The following PDE3A variants were observed in gnomAD, a reference collection of about 807,000 sequenced individuals.
PDE3A encodes the protein phosphodiesterase 3A.
Under a neutral mutation model 98.3 loss-of-function variants are expected in PDE3A, and 43 were observed. The ratio of observed to expected loss-of-function variants is 0.44; its 90% CI spans 0.34 to 0.56. The LOEUF (loss-of-function observed/expected upper bound fraction) is 0.56. Among genes scored for constraint, PDE3A ranks in the 20% least tolerant of loss-of-function variants. The probability of loss-of-function intolerance (pLI) is 0.01; values close to 1 mark genes in which losing one functional copy is unlikely to be tolerated. For synonymous variants in PDE3A, 663 were observed against 567.9 expected, an observed-to-expected ratio of 1.17 and a Z score of -2.38; for missense variants, 1,427 against 1,440.7, an observed-to-expected ratio of 0.99 and a Z score of 0.15.
At chr12:20,662,942 G>C (rs1396316051) in intron 15 of PDE3A, among the ~76,000 whole-genome samples, 1 of 152,164 alleles carries the variant, frequency 6.6e-6, no homozygotes, top group Non-Finnish European at 1.5e-5. Context: ...CATAGACCCA[G>C]AGGCCTAGGC....
intron 15 of PDE3A, among the ~76,000 whole-genome samples, chr12:20,669,513 C>G (rs1273663552): frequency 6.6e-6 from 1 of 151,922 alleles, no homozygotes; most frequent in African/African-American, 2.4e-5. Flanking sequence ...GGCAGAAACC[C>G]TACAAGCCAG....
intron 10 of PDE3A, 44 bp downstream of exon 10, chr12:20,640,001 G>T: frequency 1.1e-6 from 1 of 918,364 alleles, no homozygotes; most frequent in South Asian, 1.3e-5. Context: ...AAAATATGTC[G>T]AATTTGCTGT....
chr12:20,627,018 A>G (rs1220271447), intron 5 of PDE3A, among the ~76,000 whole-genome samples: 2 of 152,142 alleles, frequency 1.3e-5, no homozygotes, highest in Non-Finnish European at 2.9e-5. Flanking sequence ...TATCTGAAGC[A>G]ATCAGCTGGC....
At chr12:20,632,374 T>C (rs1944401098) in intron 6 of PDE3A, among the ~76,000 whole-genome samples, 1 of 152,240 alleles carries the variant, frequency 6.6e-6, no homozygotes, top group African/African-American at 2.4e-5. Context: ...TGATGAGTTA[T>C]TTAAGATATT....
At chr12:20,669,865 T>G (rs1318649908) in intron 15 of PDE3A, among the ~76,000 whole-genome samples, 4 of 151,668 alleles carry the variant, frequency 2.6e-5, no homozygotes, top group Non-Finnish European at 4.4e-5. Flanking sequence ...ACTTTAAATG[T>G]AAATGGACTA....
At chr12:20,666,203 G>T (rs1400846217) in intron 15 of PDE3A, among the ~76,000 whole-genome samples, 2 of 151,860 alleles carry the variant, frequency 1.3e-5, no homozygotes, top group Non-Finnish European at 2.9e-5. Flanking sequence ...GACCTCAAGT[G>T]GTCCATCCGC....
In PDE3A at chr12:20,685,942, T is replaced by C. The variant is rs566637357; in HGVS notation, c.*5671T>C. On this transcript the variant is annotated 3_prime_UTR_variant, in exon 16 of 16. Coordinates refer to ENST00000359062, the MANE Select transcript of PDE3A (RefSeq NM_000921.5). ...TATTCTCAAGAATGTTTAAATTTGGTTTATTTTCTTGAAGCAAAGTTATTT... is the reference window on the plus strand; with the variant it reads ...TATTCTCAAGAATGTTTAAATTTGGCTTATTTTCTTGAAGCAAAGTTATTT... Among the ~76,000 whole-genome samples the C allele has an allele frequency of 4.6e-5, 7 of 152,252 alleles. 1 individual carries two copies. In the South Asian group the frequency reaches 8.3e-4, roughly 18 times the overall value.
chr12:20,487,019 T>C (rs570692620), intron 1 of PDE3A, among the ~76,000 whole-genome samples: 6 of 152,332 alleles, frequency 3.9e-5, no homozygotes, highest in African/African-American at 1.2e-4. Context: ...ATTTTTTTCA[T>C]AGTTTTTTAA....
At chr12:20,573,304 G>C (rs140639884) in intron 2 of PDE3A, among the ~76,000 whole-genome samples, 2 of 151,986 alleles carry the variant, frequency 1.3e-5, no homozygotes, top group African/African-American at 4.8e-5. Flanking sequence ...TATTTACTCA[G>C]TTAAGGTTTT....
At chr12:20,656,350 C>A (rs542372063) in intron 15 of PDE3A, among the ~76,000 whole-genome samples, 2 of 152,240 alleles carry the variant, frequency 1.3e-5, no homozygotes, top group East Asian at 3.9e-4. Context: ...CACACATAAG[C>A]AAACATAAAG....
At chr12:20,417,048 A>G (rs945628572) in intron 1 of PDE3A, among the ~76,000 whole-genome samples, 2 of 152,170 alleles carry the variant, frequency 1.3e-5, no homozygotes, top group Admixed American at 6.5e-5. Flanking sequence ...CAAAATGTAC[A>G]TAATGTGCAT....
At chr12:20,662,541 CA>C (rs1945199617) in intron 15 of PDE3A, among the ~76,000 whole-genome samples, 1 of 152,154 alleles carries the variant, frequency 6.6e-6, no homozygotes. Flanking sequence ...TTTGTTTCAG[CA>C]AGGAAACTGG....
chr12:20,535,289 C>G (rs941228573), intron 1 of PDE3A, among the ~76,000 whole-genome samples: 2 of 152,156 alleles, frequency 1.3e-5, no homozygotes, highest in African/African-American at 4.8e-5. Flanking sequence ...TACATGCTTT[C>G]TTTAGCTCAG....
Position 20,370,019 on chromosome 12 carries a change from C to T in PDE3A, c.735C>T (p.Gly245=), listed in dbSNP as rs767260676. Residue 245 remains glycine, a synonymous_variant, in exon 1 of 16, where the codon GGC becomes GGT. Coordinates refer to ENST00000359062, the MANE Select transcript of PDE3A (RefSeq NM_000921.5). The stretch of plus-strand genomic sequence containing the variant: ...GACCTTACCTGGCGTACCTGGCCGG[C>T]GTGCTGGGGATCCTCTTGGCCAGGT... The part of the protein sequence containing the change: ...AWRPYLAYLA[G]VLGILLARYV... The T allele has an allele frequency of 3.8e-5, 62 of 1,612,774 alleles. No individual in the cohort carries two copies. The highest frequency in any genetic ancestry group is 5.3e-5 in the Non-Finnish European group (62 of 1,179,902).
chr12:20,490,328 T>C (rs1945806778), intron 1 of PDE3A, among the ~76,000 whole-genome samples: 1 of 152,222 alleles, frequency 6.6e-6, no homozygotes, highest in African/African-American at 2.4e-5. Context: ...ACAGTGATCC[T>C]TGAATATTTG....
intron 2 of PDE3A, among the ~76,000 whole-genome samples, chr12:20,575,907 A>C (rs1446772360): frequency 6.6e-6 from 1 of 151,916 alleles, no homozygotes; most frequent in East Asian, 1.9e-4. Context: ...CCAATGCAAA[A>C]CAACTAAGAA....
At chr12:20,376,871 C>G (rs1943581389) in intron 1 of PDE3A, among the ~76,000 whole-genome samples, 1 of 151,806 alleles carries the variant, frequency 6.6e-6, no homozygotes. Context: ...AGAGAAGTCA[C>G]AAACTAAGCA....
chr12:20,441,795 C>G (rs1944875323), intron 1 of PDE3A, among the ~76,000 whole-genome samples: 1 of 152,122 alleles, frequency 6.6e-6, no homozygotes. Flanking sequence ...CTCTTCAACC[C>G]TGCCTTTAAA....
At chr12:20,672,571 C>G (rs558705569) in intron 15 of PDE3A, among the ~76,000 whole-genome samples, 4 of 149,522 alleles carry the variant, frequency 2.7e-5, no homozygotes, top group East Asian at 2.0e-4. Context: ...TGATCTTTGA[C>G]AAACCTGAGA....
Sources: allele counts gnomAD v4.1 joint callset (sites outside exome capture counted in the v4.1 genomes callset), GRCh38; gene constraint gnomAD v4.1.1; transcripts MANE v1.5; gene names NCBI Gene and HGNC (gene_info 2026-07-23, HGNC 2026-07-21).